The following FAM107B variants were observed in gnomAD, a reference collection of about 807,000 sequenced individuals.
FAM107B encodes family with sequence similarity 107 member B.
Under a neutral mutation model 31.5 loss-of-function variants are expected in FAM107B, and 21 were observed. The ratio of observed to expected loss-of-function variants is 0.67; its 90% CI spans 0.47 to 0.96. The LOEUF is 0.96. FAM107B is among the 40% of genes least tolerant of loss of function. The pLI, the probability that FAM107B is intolerant of heterozygous loss-of-function variation, is 0.00. For missense variants in FAM107B, 452 were observed against 377.1 expected, an observed-to-expected ratio of 1.20 and a Z score of -1.64; for synonymous variants, 157 against 141.5, an observed-to-expected ratio of 1.11 and a Z score of -0.78.
At chr10:14,596,180 G>A (rs1852182950) in intron 2 of FAM107B, among the ~76,000 whole-genome samples, 1 of 152,074 alleles carries the variant, frequency 6.6e-6, no homozygotes, top group South Asian at 2.1e-4. Context: ...TCATCCCCTT[G>A]CCTCACTCAG....
chr10:14,664,654 T>A (rs945923320), intron 2 of FAM107B, among the ~76,000 whole-genome samples: 2 of 152,216 alleles, frequency 1.3e-5, no homozygotes, highest in East Asian at 1.9e-4. Context: ...GTAAGTGCCC[T>A]CTATGATGTT....
chr10:14,739,043 AC>A (rs1856375421), intron 1 of FAM107B, among the ~76,000 whole-genome samples: 1 of 152,156 alleles, frequency 6.6e-6, no homozygotes, highest in South Asian at 2.1e-4. Context: ...TATGGTTTAC[AC>A]TTTTCCCAGC....
chr10:14,645,541 A>G (rs1016920160), intron 2 of FAM107B, among the ~76,000 whole-genome samples: 11 of 152,160 alleles, frequency 7.2e-5, no homozygotes, highest in African/African-American at 2.7e-4. Context: ...TGTGACTGTG[A>G]TTGTAACTGA....
intron 2 of FAM107B, among the ~76,000 whole-genome samples, chr10:14,651,072 C>T (rs978322932): frequency 6.6e-6 from 1 of 152,160 alleles, no homozygotes; most frequent in Non-Finnish European, 1.5e-5. Context: ...AGACAACCTC[C>T]AAATTAAGCA....
At chr10:14,610,197 G>T (rs532474213) in intron 2 of FAM107B, among the ~76,000 whole-genome samples, 1 of 152,186 alleles carries the variant, frequency 6.6e-6, no homozygotes, top group African/African-American at 2.4e-5. Flanking sequence ...CAAAAAATTA[G>T]CCAGGCATGG....
chr10:14,526,502 T>C (rs553924840), intron 3 of FAM107B, among the ~76,000 whole-genome samples: 1 of 152,332 alleles, frequency 6.6e-6, no homozygotes, highest in South Asian at 2.1e-4. Context: ...TTCTTTAATC[T>C]TGTAATCTTT....
intron 2 of FAM107B, among the ~76,000 whole-genome samples, chr10:14,587,122 A>C (rs1445977492): frequency 6.6e-6 from 1 of 152,132 alleles, no homozygotes; most frequent in East Asian, 1.9e-4. Flanking sequence ...TTCCTGCCTG[A>C]TAATAGTCAC....
At chr10:14,686,155 G>A (rs7901174) in intron 1 of FAM107B, among the ~76,000 whole-genome samples, 103,548 of 151,580 alleles carry the variant, frequency 0.68, 35,507 homozygotes, top group Middle Eastern at 0.8. Flanking sequence ...TTGGGAGGCC[G>A]AGGTGGGCAG....
At chr10:14,635,639 T>C (rs1853478747) in intron 2 of FAM107B, among the ~76,000 whole-genome samples, 1 of 152,122 alleles carries the variant, frequency 6.6e-6, no homozygotes, top group Non-Finnish European at 1.5e-5. Flanking sequence ...TCTATTTTTT[T>C]TTCTTTTTTT....
chr10:14,579,765 C>A (rs1851575119), intron 2 of FAM107B, among the ~76,000 whole-genome samples: 1 of 152,174 alleles, frequency 6.6e-6, no homozygotes, highest in African/African-American at 2.4e-5. Flanking sequence ...ATGTCTCATG[C>A]CTGTAATCCC....
intron 1 of FAM107B, among the ~76,000 whole-genome samples, chr10:14,765,252 T>G (rs1833139737): frequency 6.6e-6 from 1 of 152,238 alleles, no homozygotes; most frequent in Non-Finnish European, 1.5e-5. Flanking sequence ...TGTCTTAGCT[T>G]GGAATATAAG....
At chr10:14,727,763 A>C (rs1381255204) in intron 1 of FAM107B, among the ~76,000 whole-genome samples, 1 of 152,198 alleles carries the variant, frequency 6.6e-6, no homozygotes, top group African/African-American at 2.4e-5. Flanking sequence ...CCCACACTAA[A>C]ACAAGACATC....
At chr10:14,531,752 T>G (rs1032002066) in intron 2 of FAM107B, among the ~76,000 whole-genome samples, 8 of 152,074 alleles carry the variant, frequency 5.3e-5, no homozygotes, top group Non-Finnish European at 1.5e-5. Flanking sequence ...GAGAATCGCT[T>G]GAAGCCAGGA....
At position 14,521,963 on chromosome 10, in the gene FAM107B, C is replaced by T. The variant is rs928063099; in HGVS notation, c.710G>A (p.Arg237Gln). 8.1e-6 allele frequency: 13 copies of T among 1,614,010 alleles called. No homozygotes were observed. The highest frequency in any genetic ancestry group is 5.0e-5 in the Admixed American group (3 of 59,998). The change falls in exon 4 of 5, where the codon CGA becomes CAA. Residue 237 changes from arginine to glutamine, a missense_variant. Physicochemically the swap from Arg to Gln is conservative, Grantham distance 43 (BLOSUM62 1). Transcript: ENST00000181796. Reference sequence around the variant, plus strand: ...TTCCTTCTGCTTTATTACTTGGTCTCGTTTTCTTTTTTCCATCACCTTCTG... The same window carrying T: ...TTCCTTCTGCTTTATTACTTGGTCTTGTTTTCTTTTTTCCATCACCTTCTG... ...ELQKVMEKRKRDQVIKQKEEE... is the reference protein window; with the variant it reads ...ELQKVMEKRKQDQVIKQKEEE...
intron 2 of FAM107B, among the ~76,000 whole-genome samples, chr10:14,608,498 G>A (rs1852647099): frequency 6.6e-6 from 1 of 152,216 alleles, no homozygotes; most frequent in Non-Finnish European, 1.5e-5. Flanking sequence ...TCTGTCATGT[G>A]TTTGCAGTCA....
At chr10:14,622,631 T>C (rs1853044209) in intron 2 of FAM107B, among the ~76,000 whole-genome samples, 1 of 152,166 alleles carries the variant, frequency 6.6e-6, no homozygotes, top group African/African-American at 2.4e-5. Flanking sequence ...GAAAGCTTCC[T>C]GGAAGAGAAG....
intron 2 of FAM107B, among the ~76,000 whole-genome samples, chr10:14,599,886 T>C (rs1311679343): frequency 2.0e-5 from 3 of 150,712 alleles, no homozygotes; most frequent in Non-Finnish European, 4.4e-5. Flanking sequence ...TTCCATCACA[T>C]ACATCTCATG....
At chr10:14,646,277 A>G (rs551601132) in intron 2 of FAM107B, among the ~76,000 whole-genome samples, 9 of 152,088 alleles carry the variant, frequency 5.9e-5, no homozygotes, top group Non-Finnish European at 1.0e-4. Context: ...CCTTTAGTGT[A>G]CCTGTCACCC....
At chr10:14,758,757 C>T (rs1425521400) in intron 1 of FAM107B, among the ~76,000 whole-genome samples, 1 of 151,688 alleles carries the variant, frequency 6.6e-6, no homozygotes, top group Non-Finnish European at 1.5e-5. Context: ...ACACCTGCAA[C>T]CCCAGGACTT....
Sources: gnomAD v4.1 joint callset for allele counts (sites outside exome capture counted in the v4.1 genomes callset) on GRCh38, gnomAD v4.1.1 for gene constraint, MANE v1.5 for transcripts, NCBI Gene and HGNC (gene_info 2026-07-23, HGNC 2026-07-21) for gene names.